CAMTA1: variants seen among roughly 807,000 people sequenced by gnomAD.
The protein encoded by CAMTA1 is calmodulin binding transcription activator 1, also known as calmodulin-binding transcription activator 1.
In CAMTA1, 27 loss-of-function variants were observed where a neutral mutation model predicts 170.9. The ratio of observed to expected loss-of-function variants is 0.16; its 90% CI spans 0.12 to 0.22. The LOEUF (loss-of-function observed/expected upper bound fraction) is 0.22, where lower values mean the gene tolerates loss of function less well. Ranked by LOEUF, CAMTA1 falls within the 10% of genes least tolerant of loss-of-function variation. The pLI is 1.00. For missense variants in CAMTA1, 1,619 were observed against 2,217.2 expected (o/e 0.73, Z 5.42); for synonymous variants, 833 against 891.5 (o/e 0.93, Z 1.17).
chr1:7,431,205 A>G (rs1187104935), intron 5 of CAMTA1, among the ~76,000 whole-genome samples: 1 of 152,166 alleles, frequency 6.6e-6, no homozygotes, highest in African/African-American at 2.4e-5. Context: ...CAACAGTCCC[A>G]AAGTCTCTTT....
At chr1:6,876,507 C>T (rs529469530) in intron 3 of CAMTA1, among the ~76,000 whole-genome samples, 5 of 152,010 alleles carry the variant, frequency 3.3e-5, no homozygotes, top group Non-Finnish European at 7.4e-5. Flanking sequence ...GGATTACAGG[C>T]GTGTGCCACC....
intron 5 of CAMTA1, among the ~76,000 whole-genome samples, chr1:7,330,732 A>C (rs2149740159): frequency 6.6e-6 from 1 of 152,388 alleles, no homozygotes; most frequent in South Asian, 2.1e-4. Context: ...TTAAGTTATA[A>C]GAGAAAAAAG....
At chr1:7,188,873 G>A (rs1460765758) in intron 4 of CAMTA1, among the ~76,000 whole-genome samples, 3 of 152,154 alleles carry the variant, frequency 2.0e-5, no homozygotes, top group Non-Finnish European at 2.9e-5. Context: ...TTAATTTTTT[G>A]TGGAACCATT....
chr1:7,482,566 A>G lies in CAMTA1; in HGVS notation c.510+14665A>G, dbSNP rs566575241. On this transcript the variant is annotated intron_variant, in intron 6 of 22. Coordinates refer to ENST00000303635, the MANE Select transcript of CAMTA1 (RefSeq NM_015215.4). This position sits in a 1 kb window ranked among gnomAD's most constrained non-coding sequence, Gnocchi z 4.2. The stretch of plus-strand genomic sequence containing the variant: ...AGTTTAAACTGGCCTTAGCTTGGGC[A>G]GAACTAAAGCATCAGAGAGCCTTTG... Among the ~76,000 whole-genome samples, 19 of 152,346 alleles carry G rather than the reference A, an allele frequency of 1.2e-4. No homozygotes were observed. The highest frequency in any genetic ancestry group is 2.2e-4 in the Non-Finnish European group (15 of 68,032).
intron 6 of CAMTA1, among the ~76,000 whole-genome samples, chr1:7,620,354 G>A (rs1304645015): frequency 3.3e-5 from 5 of 152,176 alleles, no homozygotes; most frequent in African/African-American, 7.2e-5. Flanking sequence ...CTACAGTTGT[G>A]AGGCTGAGAA....
Position 7,640,518 on chromosome 1 carries a change from C to T in CAMTA1, c.629C>T (p.Thr210Met). The T allele has an allele frequency of 3.1e-6, 5 of 1,614,230 alleles. No individual in the cohort carries two copies. The highest frequency in any genetic ancestry group is 3.4e-6 in the Non-Finnish European group (4 of 1,180,044). The change falls in exon 7 of 23, where the codon ACG (threonine) becomes ATG (methionine). Residue 210 changes from threonine to methionine, a missense_variant. Physicochemically the swap from Thr to Met is moderately conservative, Grantham distance 81 (BLOSUM62 -1). Transcript: ENST00000303635. Reference sequence around the variant, plus strand: ...GACAAGAAGGAGTGGGCGAAATGGACGAAAGAAGAGCTCATCGGGCAGCTG... The same window carrying T: ...GACAAGAAGGAGTGGGCGAAATGGATGAAAGAAGAGCTCATCGGGCAGCTG... ...NTDKKEWAKW[T>M]KEELIGQLKP... is the part of the protein sequence containing the mutation.
chr1:6,833,019 T>TCAG (rs559003171), intron 3 of CAMTA1, among the ~76,000 whole-genome samples: 13 of 151,862 alleles, frequency 8.6e-5, no homozygotes, highest in South Asian at 6.2e-4. Context: ...GTGCAGTGCC[T>TCAG]CAGCAGCAGC....
rs1053657370 is a variant in CAMTA1, at chr1:7,547,780, A to G, written c.510+79879A>G. On this transcript the variant is annotated intron_variant, in intron 6 of 22. Coordinates refer to ENST00000303635, the MANE Select transcript of CAMTA1 (RefSeq NM_015215.4). This position sits in a 1 kb window ranked among gnomAD's most constrained non-coding sequence, Gnocchi z 5.7. ...GGCCTAAGAGAATTATTCTTCCAAC[A>G]TAATCTCCCTGTACACAACCAGTCT... Among the ~76,000 whole-genome samples the G allele has an allele frequency of 5.3e-5, 8 of 152,058 alleles. No individual in the cohort carries two copies. The East Asian group carries it at 1.5e-3, about 29-fold the overall frequency.
At chr1:7,571,035 A>G (rs544668400) in intron 6 of CAMTA1, among the ~76,000 whole-genome samples, 2 of 152,352 alleles carry the variant, frequency 1.3e-5, no homozygotes, top group Non-Finnish European at 2.9e-5. Context: ...ATGCTCTGCA[A>G]CAATCTGTGC....
intron 6 of CAMTA1, among the ~76,000 whole-genome samples, chr1:7,480,446 G>A (rs1025930651): frequency 6.6e-6 from 1 of 151,506 alleles, no homozygotes; most frequent in Admixed American, 6.6e-5. Context: ...AGATATCCTC[G>A]CCCCTAGTTC....
At chr1:7,386,198 T>G (rs559530259) in intron 5 of CAMTA1, among the ~76,000 whole-genome samples, 2 of 152,358 alleles carry the variant, frequency 1.3e-5, no homozygotes, top group Admixed American at 6.5e-5. Context: ...GACAAGTTTG[T>G]ACTGAACTGG....
chr1:6,836,349 A>G (rs908481761), intron 3 of CAMTA1, among the ~76,000 whole-genome samples: 8 of 152,136 alleles, frequency 5.3e-5, no homozygotes, highest in African/African-American at 1.9e-4. Context: ...TGTTTGGGAG[A>G]GTGTTTTCTC....
At chr1:6,899,176 T>C (rs1364408342) in intron 3 of CAMTA1, among the ~76,000 whole-genome samples, 1 of 152,254 alleles carries the variant, frequency 6.6e-6, no homozygotes, top group Non-Finnish European at 1.5e-5. Context: ...TCATCACTGC[T>C]GTGTGATGGC....
chr1:6,967,914 G>A (rs563984779), intron 3 of CAMTA1, among the ~76,000 whole-genome samples: 6 of 152,296 alleles, frequency 3.9e-5, no homozygotes, highest in Admixed American at 1.3e-4. Context: ...TAATTATGCT[G>A]CTATGTAAAT....
At position 7,501,706 on chromosome 1, in the gene CAMTA1, T is replaced by C. The variant is rs533123285; in HGVS notation, c.510+33805T>C. On this transcript the variant is annotated intron_variant, in intron 6 of 22. Transcript: ENST00000303635. ...ATTTATTGTTTATCTGAAATTGACATGTCATCGGCACCCTCCACTGTGGGC... is the reference window on the plus strand; with the variant it reads ...ATTTATTGTTTATCTGAAATTGACACGTCATCGGCACCCTCCACTGTGGGC... Among the ~76,000 whole-genome samples the C allele has an allele frequency of 1.8e-3, 267 of 152,202 alleles. 1 individual carries two copies. The East Asian group carries it at 0.031, about 18-fold the overall frequency.
At chr1:7,215,839 A>G (rs1479084549) in intron 4 of CAMTA1, among the ~76,000 whole-genome samples, 1 of 152,212 alleles carries the variant, frequency 6.6e-6, no homozygotes, top group African/African-American at 2.4e-5. Flanking sequence ...TATGAAATGC[A>G]TTGATTATCA....
chr1:7,188,716 G>T (rs563032781), intron 4 of CAMTA1, among the ~76,000 whole-genome samples: 6 of 152,162 alleles, frequency 3.9e-5, no homozygotes, highest in Non-Finnish European at 8.8e-5. Flanking sequence ...TCTGTCAATG[G>T]AAATCTGAGT....
chr1:7,465,373 G>T (rs1449941879), intron 5 of CAMTA1, among the ~76,000 whole-genome samples: 1 of 152,152 alleles, frequency 6.6e-6, no homozygotes. Flanking sequence ...TCTTTGTGTA[G>T]CTTTTTTCTT....
chr1:7,540,622 C>A (rs1163207700), intron 6 of CAMTA1, among the ~76,000 whole-genome samples: 1 of 152,188 alleles, frequency 6.6e-6, no homozygotes, highest in Non-Finnish European at 1.5e-5. Flanking sequence ...GATTCACCCC[C>A]CAAAACCGCC....
Sources: allele counts gnomAD v4.1 joint callset (sites outside exome capture counted in the v4.1 genomes callset), GRCh38; gene constraint gnomAD v4.1.1; non-coding constraint Gnocchi (gnomAD v3.1); transcripts MANE v1.5; gene names NCBI Gene and HGNC (gene_info 2026-07-23, HGNC 2026-07-21).